DHX57: variants seen among roughly 807,000 people sequenced by gnomAD.
The protein encoded by DHX57 is DExH-box helicase 57.
A neutral mutation model predicts 156.2 loss-of-function variants in DHX57; 105 were observed. The observed-to-expected ratio is 0.67, with a 90% CI of 0.57 to 0.79. The LOEUF is 0.79. DHX57 is among the 30% of genes least tolerant of loss of function. DHX57 has a pLI of 0.00. For missense variants in DHX57, 1,847 were observed against 1,661.9 expected (o/e 1.11, Z -1.94); for synonymous variants, 704 against 595.6 (o/e 1.18, Z -2.65).
At chr2:38,870,243 A>G (rs1258040554) in intron 1 of DHX57, among the ~76,000 whole-genome samples, 1 of 152,174 alleles carries the variant, frequency 6.6e-6, no homozygotes, top group African/African-American at 2.4e-5. Context: ...TACCATATAC[A>G]TATAATGAGA....
chr2:38,832,242 C>T (rs1023575845), intron 13 of DHX57, among the ~76,000 whole-genome samples: 2 of 151,994 alleles, frequency 1.3e-5, no homozygotes, highest in Admixed American at 6.6e-5. Flanking sequence ...GAATTCAATA[C>T]CAGCTTGGCC....
Position 38,798,360 on chromosome 2 carries a change from C to T in DHX57, c.4100G>A (p.Cys1367Tyr). The part of the protein sequence containing the change: ...DKIKNPSIDL[C>Y]TCPRGSRIIS... ...GATCCGGGATCCTCGAGGACACGTA[C>T]ACAGATCAATGCTTGGGTTTTTAAT... Residue 1367 changes from cysteine to tyrosine, a missense_variant, in exon 24 of 24, where the codon TGT becomes TAT. Cys to Tyr is a radical substitution (Grantham distance 194). Transcript: ENST00000457308. 1 of 1,614,108 alleles carries T rather than the reference C, an allele frequency of 6.2e-7. No individual in the cohort carries two copies. Among genetic ancestry groups the T allele is most frequent in the South Asian group, 1.1e-5 (1 of 91,058 alleles).
At chr2:38,826,176 A>G in intron 15 of DHX57, 129 bp from the exon 16 acceptor site, 1 of 1,000,510 alleles carries the variant, frequency 1.0e-6, no homozygotes, top group Non-Finnish European at 1.4e-6. Context: ...ATTCTGGGAT[A>G]GTTGAGCCCC....
At chr2:38,834,700 A>G (rs1671563863) in intron 13 of DHX57, among the ~76,000 whole-genome samples, 1 of 152,182 alleles carries the variant, frequency 6.6e-6, no homozygotes, top group Admixed American at 6.5e-5. Flanking sequence ...TCATGACATC[A>G]CAAGCAAAAG....
chr2:38,868,440 T>C, intron 1 of DHX57, 29 bp from the exon 2 acceptor site: 1 of 1,600,392 alleles, frequency 6.2e-7, no homozygotes. Flanking sequence ...AATGTAGACA[T>C]CATAAAACCA....
chr2:38,838,070 A>G, intron 12 of DHX57, 123 bp from the exon 13 acceptor site: 1 of 678,730 alleles, frequency 1.5e-6, no homozygotes, highest in Non-Finnish European at 2.6e-6. Context: ...TAGCACAGAT[A>G]TTAACATTTA....
rs116710242 is a variant in DHX57 at position 38,805,840 on chromosome 2, T to C, written c.3816+719A>G. On this transcript the variant is annotated intron_variant, in intron 22 of 23. Transcript: ENST00000457308. ...AAACTGCAGGTCTGGAGAGACAGAT[T>C]TGGGGTCTGCGTCTGTGTGTAAGTG... Among the ~76,000 whole-genome samples, 546 of 152,140 alleles carry C rather than the reference T, an allele frequency of 3.6e-3. 1 individual carries two copies. Among genetic ancestry groups the C allele is most frequent in the African/African-American group, 0.012 (486 of 41,498 alleles).
intron 2 of DHX57, among the ~76,000 whole-genome samples, chr2:38,864,022 A>AC (rs1254076990): frequency 1.1e-4 from 16 of 150,940 alleles, no homozygotes; most frequent in Admixed American, 4.6e-4. Flanking sequence ...AAAAAAAAAA[A>AC]AACAACAAAA....
rs371591592 is a variant in DHX57 at position 38,843,628 on chromosome 2, T to A, written c.2220-418A>T. ...CAAGTTTCTAGCTGTTGGCTGAACA[T>A]CAACCTAAGACTATTCTTAAAACAT... On this transcript the variant is annotated intron_variant, in intron 11 of 23. Transcript: ENST00000457308. 2.4e-4 allele frequency among the ~76,000 whole-genome samples: 37 copies of A among 152,336 alleles called. 1 individual carries two copies. Among genetic ancestry groups the A allele is most frequent in the East Asian group, 1.7e-3 (9 of 5,192 alleles).
chr2:38,869,289 A>G (rs1056955824), intron 1 of DHX57, among the ~76,000 whole-genome samples: 10 of 152,242 alleles, frequency 6.6e-5, no homozygotes, highest in African/African-American at 2.4e-4. Flanking sequence ...GACTCCATTT[A>G]CAATGGAGTG....
chr2:38,856,574 G>T, intron 6 of DHX57, 113 bp from the exon 7 acceptor site: 1 of 1,344,928 alleles, frequency 7.4e-7, no homozygotes, highest in Non-Finnish European at 9.8e-7. Context: ...TGCGATCACG[G>T]CTCACTCCAA....
intron 19 of DHX57, chr2:38,815,912 C>G: frequency 2.0e-6 from 1 of 502,100 alleles, no homozygotes; most frequent in Non-Finnish European, 3.6e-6. Flanking sequence ...ATTTATTTAA[C>G]TCTAGATTAC....
At chr2:38,811,336 A>G (rs1670235573) in intron 21 of DHX57, 3 of 526,632 alleles carry the variant, frequency 5.7e-6, no homozygotes, top group South Asian at 1.6e-5. Flanking sequence ...TGTGGGACAC[A>G]TACTTTGCCC....
At chr2:38,827,131 C>T (rs1017526556) in intron 14 of DHX57, among the ~76,000 whole-genome samples, 1 of 87,676 alleles carries the variant, frequency 1.1e-5, no homozygotes, top group Admixed American at 1.3e-4. Flanking sequence ...GACTCCGTCT[C>T]GAAAAATAAA....
chr2:38,870,814 A>T (rs184613396), intron 1 of DHX57, among the ~76,000 whole-genome samples: 1 of 152,130 alleles, frequency 6.6e-6, no homozygotes, highest in Non-Finnish European at 1.5e-5. Flanking sequence ...GGGAGACAGA[A>T]GATGCAGTGA....
At chr2:38,864,784 G>A (rs1177449410) in intron 2 of DHX57, among the ~76,000 whole-genome samples, 2 of 152,032 alleles carry the variant, frequency 1.3e-5, no homozygotes, top group South Asian at 2.1e-4. Flanking sequence ...TCTCATTTAG[G>A]TTATCAAAAT....
chr2:38,823,306 T>C (rs767401249), intron 16 of DHX57, 37 bp from the exon 17 acceptor site: 4 of 1,585,268 alleles, frequency 2.5e-6, no homozygotes, highest in East Asian at 2.3e-5. Context: ...GTCAATTTTA[T>C]TTCTGGTGGG....
chr2:38,819,061 T>C lies in DHX57; in HGVS notation c.3375A>G (p.Leu1125=). The change falls in exon 18 of 24, where the codon CTA becomes CTG. Residue 1125 remains leucine, a synonymous_variant. Coordinates refer to ENST00000457308, the MANE Select transcript of DHX57 (RefSeq NM_198963.3). ...GTTATATACTTACCTTATACGCTTG[T>C]AGAAGGGCCAGATAATCACTGTTTG... is the stretch of plus-strand genomic sequence containing the variant. The part of the protein sequence containing the change: ...AFANSDYLAL[L]QAYKGWQLST... 6.2e-7 allele frequency: 1 copy of C among 1,614,246 alleles called. No homozygotes were observed. The highest frequency in any genetic ancestry group is 2.2e-5 in the East Asian group (1 of 44,890).
At chr2:38,802,676 T>G in intron 23 of DHX57, 39 bp downstream of exon 23, 1 of 1,611,044 alleles carries the variant, frequency 6.2e-7, no homozygotes, top group Non-Finnish European at 8.5e-7. Flanking sequence ...AAGCCCCTCA[T>G]GGCCTGAGCC....
Sources: gnomAD v4.1 joint callset for allele counts (sites outside exome capture counted in the v4.1 genomes callset) on GRCh38, gnomAD v4.1.1 for gene constraint, MANE v1.5 for transcripts, NCBI Gene and HGNC (gene_info 2026-07-23, HGNC 2026-07-21) for gene names.